The following SLC35F4 variants were observed in gnomAD, a reference collection of about 807,000 sequenced individuals.
SLC35F4 encodes the protein solute carrier family 35 member F4.
A neutral mutation model predicts 44.2 loss-of-function variants in SLC35F4; 24 were observed. That is an observed-to-expected ratio of 0.54 (90% CI 0.39 to 0.76). SLC35F4 has a LOEUF of 0.76. SLC35F4 is among the 30% of genes least tolerant of loss of function. SLC35F4 has a pLI of 0.00. For missense variants in SLC35F4, 562 were observed against 586.1 expected (o/e 0.96, Z 0.42); for synonymous variants, 238 against 223.6 (o/e 1.06, Z -0.57).
intron 1 of SLC35F4, among the ~76,000 whole-genome samples, chr14:57,677,681 C>T (rs1322974414): frequency 6.6e-6 from 1 of 151,762 alleles, no homozygotes; most frequent in Admixed American, 6.6e-5. Flanking sequence ...TTTAAACTTG[C>T]CTATAGGCAA....
intron 1 of SLC35F4, among the ~76,000 whole-genome samples, chr14:57,694,053 G>A (rs1160967416): frequency 3.3e-5 from 5 of 152,062 alleles, no homozygotes; most frequent in East Asian, 1.9e-4. Context: ...AAAAGTAAAC[G>A]AACTGAAGAC....
chr14:57,733,838 G>A (rs964459840), intron 1 of SLC35F4, among the ~76,000 whole-genome samples: 1 of 151,968 alleles, frequency 6.6e-6, no homozygotes, highest in Non-Finnish European at 1.5e-5. Context: ...AAAGGATAAT[G>A]CTTGCCATTT....
intron 1 of SLC35F4, among the ~76,000 whole-genome samples, chr14:57,881,717 C>T (rs901234114): frequency 2.0e-5 from 3 of 152,110 alleles, no homozygotes; most frequent in African/African-American, 4.8e-5. Flanking sequence ...TGCAGAGGAA[C>T]ATGTTGGTTC....
At chr14:57,859,194 T>C (rs1250962566) in intron 1 of SLC35F4, among the ~76,000 whole-genome samples, 1 of 152,024 alleles carries the variant, frequency 6.6e-6, no homozygotes, top group African/African-American at 2.4e-5. Context: ...GGACTAAAAA[T>C]TCAACAACTA....
intron 1 of SLC35F4, among the ~76,000 whole-genome samples, chr14:57,970,635 G>A (rs11158187): frequency 0.27 from 40,953 of 151,990 alleles, 6,077 homozygotes; most frequent in African/African-American, 0.4. Flanking sequence ...TTATCCCCCC[G>A]TAGGTAAAAT....
chr14:57,759,880 G>GTTTTTT (rs60160945), intron 1 of SLC35F4, among the ~76,000 whole-genome samples: 1 of 140,518 alleles, frequency 7.1e-6, no homozygotes. Flanking sequence ...TTCTTTGCTT[G>GTTTTTT]TTTTTTTTTT....
At chr14:57,724,435 T>A (rs183868097) in intron 1 of SLC35F4, among the ~76,000 whole-genome samples, 3 of 152,220 alleles carry the variant, frequency 2.0e-5, no homozygotes, top group Non-Finnish European at 4.4e-5. Context: ...CGTTTGACTA[T>A]GGGTCATTAA....
intron 1 of SLC35F4, among the ~76,000 whole-genome samples, chr14:57,781,505 T>G (rs781725703): frequency 1.3e-5 from 2 of 152,150 alleles, no homozygotes; most frequent in Non-Finnish European, 2.9e-5. Flanking sequence ...AGCAGTGTGA[T>G]GATTCCTCAA....
intron 1 of SLC35F4, among the ~76,000 whole-genome samples, chr14:57,636,679 T>C (rs1191484147): frequency 6.6e-6 from 1 of 152,098 alleles, no homozygotes; most frequent in Non-Finnish European, 1.5e-5. Flanking sequence ...TAGATGACGA[T>C]TTCTGCTTGC....
intron 1 of SLC35F4, among the ~76,000 whole-genome samples, chr14:57,664,894 G>A (rs1426811965): frequency 6.6e-6 from 1 of 152,068 alleles, no homozygotes; most frequent in East Asian, 1.9e-4. Flanking sequence ...TAAACCCTTA[G>A]GTTTGAAAAC....
chr14:57,718,726 A>T (rs2076006445), intron 1 of SLC35F4, among the ~76,000 whole-genome samples: 1 of 152,008 alleles, frequency 6.6e-6, no homozygotes, highest in Admixed American at 6.6e-5. Context: ...TGAGCTCCTT[A>T]TATATTCTTG....
chr14:57,683,880 G>A (rs527917213), intron 1 of SLC35F4, among the ~76,000 whole-genome samples: 1 of 152,222 alleles, frequency 6.6e-6, no homozygotes, highest in Middle Eastern at 3.4e-3. Flanking sequence ...TGGGGTGGGA[G>A]CTGAACAGAA....
chr14:57,654,206 A>G lies in SLC35F4; in HGVS notation c.104-60082T>C, dbSNP rs141601057. 2.0e-3 allele frequency among the ~76,000 whole-genome samples: 308 copies of G among 152,284 alleles called. 2 individuals are homozygous for G. The highest frequency in any genetic ancestry group is 7.1e-3 in the African/African-American group (295 of 41,574). On this transcript the variant is annotated intron_variant, in intron 1 of 7. Coordinates refer to ENST00000556826, the MANE Select transcript of SLC35F4 (RefSeq NM_001306087.2). ...TTTGGCTTACATGAATTAGTTCTTT[A>G]GTGGCGATTTCTGGGGTTTTTGTGC...
intron 1 of SLC35F4, among the ~76,000 whole-genome samples, chr14:57,964,991 AAT>A (rs1212108605): frequency 7.5e-4 from 87 of 115,668 alleles, no homozygotes; most frequent in African/African-American, 1.3e-3. Context: ...AAAAAAAAAA[AAT>A]ATATATATAT....
chr14:57,687,835 C>G (rs958023299), intron 1 of SLC35F4, among the ~76,000 whole-genome samples: 1 of 152,100 alleles, frequency 6.6e-6, no homozygotes, highest in Non-Finnish European at 1.5e-5. Flanking sequence ...AATGTAATTT[C>G]TGAAGAATAT....
intron 1 of SLC35F4, among the ~76,000 whole-genome samples, chr14:57,909,235 A>G (rs909001678): frequency 1.4e-4 from 22 of 151,840 alleles, no homozygotes; most frequent in African/African-American, 5.3e-4. Flanking sequence ...TCAGCACCCC[A>G]CCCCATAGTG....
At chr14:57,592,262 T>C (rs1362452660) in intron 2 of SLC35F4, among the ~76,000 whole-genome samples, 2 of 152,256 alleles carry the variant, frequency 1.3e-5, no homozygotes, top group Non-Finnish European at 2.9e-5. Context: ...AGTACATTTT[T>C]AAATTCCTTT....
chr14:57,640,469 C>T (rs2073178165), intron 1 of SLC35F4, among the ~76,000 whole-genome samples: 1 of 152,050 alleles, frequency 6.6e-6, no homozygotes, highest in Admixed American at 6.6e-5. Context: ...TCAATTGTGA[C>T]TCAAGAGTAA....
chr14:57,970,875 A>G lies in SLC35F4; in HGVS notation n.282+11038T>C, dbSNP rs532085419. On this transcript the variant is annotated intron_variant and non_coding_transcript_variant, in intron 1 of 1. Coordinates refer to the SLC35F4 transcript ENST00000556568. ...GAGAATTCTCCTTTTCCTTGCTCCT[A>G]TGCTGACCATCCTCCTACTGAAGGA... is the stretch of plus-strand genomic sequence containing the variant. 3.9e-5 allele frequency among the ~76,000 whole-genome samples: 6 copies of G among 152,286 alleles called. No individual in the cohort carries two copies. The South Asian group carries it at 1.2e-3, about 32-fold the overall frequency.
Sources: allele counts gnomAD v4.1 joint callset (sites outside exome capture counted in the v4.1 genomes callset), GRCh38; gene constraint gnomAD v4.1.1; transcripts MANE v1.5; gene names NCBI Gene and HGNC (gene_info 2026-07-23, HGNC 2026-07-21).